SEMA5A: variants seen among roughly 807,000 people sequenced by gnomAD.
The protein encoded by SEMA5A is semaphorin 5A, also known as semaphorin-5A.
Under a neutral mutation model 135.5 loss-of-function variants are expected in SEMA5A, and 55 were observed. The observed-to-expected ratio is 0.41, with a 90% CI of 0.33 to 0.51. SEMA5A has a LOEUF of 0.51. SEMA5A is among the 20% of genes least tolerant of loss of function. The probability of loss-of-function intolerance (pLI) is 0.37; values close to 1 mark genes in which losing one functional copy is unlikely to be tolerated. For synonymous variants in SEMA5A, 580 were observed against 546.5 expected (o/e 1.06, Z -0.85); for missense variants, 1,290 against 1,419.9 (o/e 0.91, Z 1.47).
chr5:9,042,814 T>C lies in SEMA5A; in HGVS notation c.*83A>G. 6.5e-7 allele frequency: 1 copy of C among 1,541,196 alleles called. No individual in the cohort carries two copies. Among genetic ancestry groups the C allele is most frequent in the Non-Finnish European group, 8.9e-7 (1 of 1,122,146 alleles). ...TTGAAATGTATCCAAACTTCGACTC[T>C]GAAGCCTCAGAAACATGGGCAGTCA... On this transcript the variant is annotated 3_prime_UTR_variant, in exon 23 of 23. Transcript: ENST00000382496.
At chr5:9,244,655 A>G (rs1748389661) in intron 5 of SEMA5A, among the ~76,000 whole-genome samples, 1 of 152,236 alleles carries the variant, frequency 6.6e-6, no homozygotes, top group East Asian at 1.9e-4. Context: ...ACAGTGCCAC[A>G]TACACAAGCA....
intron 4 of SEMA5A, among the ~76,000 whole-genome samples, chr5:9,321,821 T>G (rs1291377185): frequency 6.6e-6 from 1 of 152,204 alleles, no homozygotes; most frequent in Non-Finnish European, 1.5e-5. Flanking sequence ...TGGTGATATC[T>G]CATGGTTCAT....
intron 12 of SEMA5A, among the ~76,000 whole-genome samples, chr5:9,145,268 C>T (rs1742271235): frequency 6.6e-6 from 1 of 152,160 alleles, no homozygotes; most frequent in Non-Finnish European, 1.5e-5. Flanking sequence ...GCCTCTCTCT[C>T]TTTATCTCCA....
chr5:9,259,584 C>T (rs1749290066), intron 5 of SEMA5A, among the ~76,000 whole-genome samples: 1 of 151,962 alleles, frequency 6.6e-6, no homozygotes, highest in South Asian at 2.1e-4. Context: ...TGGTGCAGAG[C>T]TGAGTTCAAT....
intron 11 of SEMA5A, among the ~76,000 whole-genome samples, chr5:9,162,544 GTA>G (rs1195337159): frequency 9.2e-4 from 42 of 45,572 alleles, no homozygotes; most frequent in East Asian, 2.1e-3. Context: ...ATGTATGTGT[GTA>G]TATATGTGTG....
intron 3 of SEMA5A, among the ~76,000 whole-genome samples, chr5:9,355,632 G>C (rs1315791290): frequency 6.6e-6 from 1 of 152,136 alleles, no homozygotes; most frequent in African/African-American, 2.4e-5. Flanking sequence ...ATGGAGAGGT[G>C]AGTAAGGTGG....
intron 16 of SEMA5A, among the ~76,000 whole-genome samples, chr5:9,099,570 A>C (rs1019650607): frequency 1.3e-5 from 2 of 152,184 alleles, no homozygotes; most frequent in Non-Finnish European, 2.9e-5. Flanking sequence ...TTTCATGGAA[A>C]TGGGTCACTT....
chr5:9,446,216 G>A (rs1334280585), intron 1 of SEMA5A, among the ~76,000 whole-genome samples: 5 of 152,162 alleles, frequency 3.3e-5, no homozygotes, highest in African/African-American at 9.7e-5. Flanking sequence ...ACTCAGTATT[G>A]CCTCAGTAAC....
intron 11 of SEMA5A, among the ~76,000 whole-genome samples, chr5:9,162,378 AAACATG>A (rs1404467941): frequency 9.5e-6 from 1 of 104,948 alleles, no homozygotes; most frequent in Non-Finnish European, 1.9e-5. Context: ...ATGTTCAAAC[AAACATG>A]TGTGTGTGTG....
At chr5:9,440,695 T>C (rs1758200696) in intron 1 of SEMA5A, among the ~76,000 whole-genome samples, 1 of 152,226 alleles carries the variant, frequency 6.6e-6, no homozygotes, top group Admixed American at 6.5e-5. Context: ...AATTATAACT[T>C]ACTAAGTGCT....
rs746819711 is a variant in SEMA5A at position 9,190,488 on chromosome 5, G to A, written c.1069-17C>T. The A allele has an allele frequency of 6.2e-7, 1 of 1,610,798 alleles. No homozygotes were observed. Among genetic ancestry groups the A allele is most frequent in the Non-Finnish European group, 8.5e-7 (1 of 1,179,216 alleles). On this transcript the variant is annotated splice_polypyrimidine_tract_variant and intron_variant, in intron 10 of 22. Coordinates refer to ENST00000382496, the MANE Select transcript of SEMA5A (RefSeq NM_003966.3). ...GGTGCCACACTGAAAGGGAAGACGG[G>A]CCAGGTTACCAGAGCCGGCAGCCTG...
intron 3 of SEMA5A, among the ~76,000 whole-genome samples, 198 bp from the exon 4 acceptor site, chr5:9,338,010 G>A (rs931303356): frequency 5.9e-5 from 9 of 152,110 alleles, no homozygotes; most frequent in Admixed American, 2.6e-4. Flanking sequence ...AAAGCACAGA[G>A]GGCAGCCACC....
chr5:9,262,961 A>T (rs1749480083), intron 5 of SEMA5A, among the ~76,000 whole-genome samples: 3 of 145,720 alleles, frequency 2.1e-5, no homozygotes, highest in East Asian at 3.9e-4. Flanking sequence ...TTTCGAAAAA[A>T]TAAAAATAAA....
At chr5:9,334,950 G>A (rs1387470555) in intron 4 of SEMA5A, among the ~76,000 whole-genome samples, 3 of 152,156 alleles carry the variant, frequency 2.0e-5, no homozygotes, top group Non-Finnish European at 4.4e-5. Context: ...CTTCCCAGCA[G>A]ACCATGTTGA....
At chr5:9,155,900 T>C (rs886509) in intron 11 of SEMA5A, among the ~76,000 whole-genome samples, 75,524 of 152,144 alleles carry the variant, frequency 0.5, 19,572 homozygotes, top group Non-Finnish European at 0.58. Context: ...CCAGTGAGCA[T>C]TTTCTGATTA....
At chr5:9,501,079 A>T (rs1293989606) in intron 1 of SEMA5A, among the ~76,000 whole-genome samples, 3 of 152,218 alleles carry the variant, frequency 2.0e-5, no homozygotes, top group Admixed American at 6.5e-5. Flanking sequence ...GATTTTCTTG[A>T]TATTTATGAT....
intron 2 of SEMA5A, among the ~76,000 whole-genome samples, chr5:9,407,583 C>T (rs1482496757): frequency 1.3e-5 from 2 of 152,220 alleles, no homozygotes; most frequent in Non-Finnish European, 2.9e-5. Flanking sequence ...CCATAAGCTA[C>T]CTGGCTGCAT....
At position 9,044,504 on chromosome 5, in the gene SEMA5A, A is replaced by G. The variant is rs545738531; in HGVS notation, c.2974T>C (p.Tyr992His). The G allele has an allele frequency of 5.1e-5, 83 of 1,613,996 alleles. 2 individuals carry two copies. In the South Asian group the frequency reaches 8.3e-4, roughly 16 times the overall value. Residue 992 changes from tyrosine to histidine, a missense_variant, in exon 22 of 23, where the codon TAC becomes CAC. Transcript: ENST00000382496. ...GATTGCTGCTGGTACCGCTGGCAGT[A>G]AGTATAGACGAGCAGGGTGAGGAGG... ...GCLLTLLVYTYCQRYQQQSHD... is the reference protein window; with the variant it reads ...GCLLTLLVYTHCQRYQQQSHD...
intron 11 of SEMA5A, among the ~76,000 whole-genome samples, chr5:9,172,041 C>T (rs143607209): frequency 6.9e-6 from 1 of 145,074 alleles, no homozygotes; most frequent in East Asian, 2.1e-4. Flanking sequence ...GAGCCTGGGC[C>T]CCCGAGCTCC....
Sources: gnomAD v4.1 joint callset for allele counts (sites outside exome capture counted in the v4.1 genomes callset) on GRCh38, gnomAD v4.1.1 for gene constraint, MANE v1.5 for transcripts, NCBI Gene and HGNC (gene_info 2026-07-23, HGNC 2026-07-21) for gene names.